PDK1: variants seen among roughly 807,000 people sequenced by gnomAD.
PDK1 encodes the protein [Pyruvate dehydrogenase (acetyl-transferring)] kinase isozyme 1, mitochondrial.
Under a neutral mutation model 54.2 loss-of-function variants are expected in PDK1, and 39 were observed. The ratio of observed to expected loss-of-function variants is 0.72; its 90% CI spans 0.56 to 0.94. The LOEUF (loss-of-function observed/expected upper bound fraction) is 0.94. PDK1 is among the 40% of genes least tolerant of loss of function. PDK1 has a pLI of 0.00. For missense variants in PDK1, 552 were observed against 566.0 expected (o/e 0.98, Z 0.25); for synonymous variants, 221 against 207.1 (o/e 1.07, Z -0.58).
At chr2:172,566,564 A>G (rs1008032114) in intron 5 of PDK1, among the ~76,000 whole-genome samples, 5 of 152,116 alleles carry the variant, frequency 3.3e-5, no homozygotes, top group African/African-American at 1.2e-4. Flanking sequence ...AAGGAAAAAA[A>G]AAAAGGAAAG....
At chr2:172,678,482 A>G in the PDK1 span, among the ~76,000 whole-genome samples, 1 of 152,320 alleles carries the variant, frequency 6.6e-6, no homozygotes, top group East Asian at 1.9e-4. Context: ...ACAGTCTATT[A>G]GTACTATTTG....
At chr2:172,698,739 A>G in the PDK1 span, among the ~76,000 whole-genome samples, 3 of 152,214 alleles carry the variant, frequency 2.0e-5, no homozygotes, top group Non-Finnish European at 4.4e-5. Context: ...GTTTTAGGCA[A>G]TGGTCCTCAA....
At chr2:172,665,691 G>C in the PDK1 span, among the ~76,000 whole-genome samples, 14 of 152,272 alleles carry the variant, frequency 9.2e-5, no homozygotes, top group African/African-American at 3.4e-4. Context: ...CAAAACCCCA[G>C]TTTGCACAGG....
At chr2:172,648,999 C>T in the PDK1 span, among the ~76,000 whole-genome samples, 14 of 152,334 alleles carry the variant, frequency 9.2e-5, no homozygotes, top group South Asian at 2.1e-4. Flanking sequence ...TCTCCCAGCA[C>T]GGAGTTTGAG....
intron 9 of PDK1, among the ~76,000 whole-genome samples, chr2:172,587,604 G>A (rs11897495): frequency 0.18 from 26,683 of 152,096 alleles, 2,791 homozygotes; most frequent in African/African-American, 0.28. Context: ...ATTGTGAAGA[G>A]CAAAAGAACA....
chr2:172,580,408 A>G (rs898000065), intron 8 of PDK1, among the ~76,000 whole-genome samples: 3 of 152,038 alleles, frequency 2.0e-5, no homozygotes, highest in African/African-American at 2.4e-5. Flanking sequence ...TTCTGCTTCT[A>G]TTAGAAGTGC....
At position 172,566,945 on chromosome 2, in the gene PDK1, G is replaced by A. The variant is rs1688988133; in HGVS notation, c.769+12G>A. 3.9e-6 allele frequency: 6 copies of A among 1,557,596 alleles called. No individual in the cohort carries two copies. Among genetic ancestry groups the A allele is most frequent in the East Asian group, 2.2e-5 (1 of 44,492 alleles). ...TGAAGAACTAAATGGTAAGCCTGAT[G>A]TTGTCTTTTTCTCAATAATTAGTGC... On this transcript the variant is annotated intron_variant, in intron 6 of 10. Transcript: ENST00000282077.
the PDK1 span, among the ~76,000 whole-genome samples, chr2:172,646,076 C>T: frequency 6.6e-6 from 1 of 152,178 alleles, no homozygotes; most frequent in African/African-American, 2.4e-5. Context: ...AGCATAATTG[C>T]ACAGTGTGCA....
the PDK1 span, among the ~76,000 whole-genome samples, chr2:172,719,303 G>A: frequency 1.3e-5 from 2 of 152,088 alleles, no homozygotes; most frequent in East Asian, 1.9e-4. Flanking sequence ...GTTGAAAATA[G>A]GTTTTTATTT....
At chr2:172,691,209 G>A in the PDK1 span, 1 of 150,068 alleles carries the variant, frequency 6.7e-6, no homozygotes, top group East Asian at 2.1e-4. Context: ...TATATGCATA[G>A]CCTTCCCAAT....
At chr2:172,567,106 ATTCT>A (rs944084809) in intron 6 of PDK1, among the ~76,000 whole-genome samples, 173 bp downstream of exon 6, 1 of 152,346 alleles carries the variant, frequency 6.6e-6, no homozygotes, top group East Asian at 1.9e-4. Flanking sequence ...ATTTAGTCAG[ATTCT>A]TTATGAAAAG....
At chr2:172,650,836 CCTTAGAGA>C in the PDK1 span, among the ~76,000 whole-genome samples, 1 of 152,134 alleles carries the variant, frequency 6.6e-6, no homozygotes, top group Non-Finnish European at 1.5e-5. Flanking sequence ...TAAAGCAAGT[CCTTAGAGA>C]CCTACAAAGA....
At chr2:172,667,537 G>A in the PDK1 span, among the ~76,000 whole-genome samples, 10 of 152,262 alleles carry the variant, frequency 6.6e-5, no homozygotes, top group Non-Finnish European at 1.0e-4. Flanking sequence ...GCTAACCCTG[G>A]GAAGGACAAA....
intron 8 of PDK1, among the ~76,000 whole-genome samples, chr2:172,584,098 T>C (rs1690073924): frequency 6.6e-6 from 1 of 152,202 alleles, no homozygotes; most frequent in African/African-American, 2.4e-5. Flanking sequence ...AAGACCTACA[T>C]GCCTTACGAA....
the PDK1 span, among the ~76,000 whole-genome samples, chr2:172,627,514 C>T: frequency 6.6e-6 from 1 of 152,298 alleles, no homozygotes; most frequent in East Asian, 1.9e-4. Flanking sequence ...GAAAGCCATA[C>T]ATAGTCCTTA....
chr2:172,696,432 A>G, the PDK1 span, among the ~76,000 whole-genome samples: 1 of 152,164 alleles, frequency 6.6e-6, no homozygotes, highest in East Asian at 1.9e-4. Context: ...CCTAATTTTA[A>G]TTTTTTAGTG....
chr2:172,619,069 TTC>T, the PDK1 span, among the ~76,000 whole-genome samples: 7 of 152,176 alleles, frequency 4.6e-5, no homozygotes, highest in East Asian at 1.9e-4. Flanking sequence ...ACTCATACAT[TTC>T]TGTTTTAAGT....
Position 172,564,664 on chromosome 2 carries a change from T to C in PDK1, c.572T>C (p.Ile191Thr), listed in dbSNP as rs1173267739. ...CGATTCTACATGAGTCGCATTTCAA[T>C]TAGAATGTTACTCAATCAGCACTGT... The part of the protein sequence containing the change: ...LDRFYMSRIS[I>T]RMLLNQHSLL... Residue 191 changes from isoleucine (I) to threonine (T), a missense_variant, in exon 4 of 11, where the codon ATT becomes ACT. Transcript: ENST00000282077. 2 of 1,613,904 alleles carry C rather than the reference T, an allele frequency of 1.2e-6. No individual in the cohort carries two copies. Among genetic ancestry groups the C allele is most frequent in the Admixed American group, 3.3e-5 (2 of 59,998 alleles).
At chr2:172,566,212 T>C (rs1688931171) in intron 5 of PDK1, among the ~76,000 whole-genome samples, 1 of 152,206 alleles carries the variant, frequency 6.6e-6, no homozygotes. Flanking sequence ...TTTGTAGTTA[T>C]ATTTGTCATT....
Sources: allele counts gnomAD v4.1 joint callset (sites outside exome capture counted in the v4.1 genomes callset), GRCh38; gene constraint gnomAD v4.1.1; transcripts MANE v1.5; gene names NCBI Gene and HGNC (gene_info 2026-07-23, HGNC 2026-07-21).